Variants in TIGD4 observed in about 807,000 individuals in gnomAD.
TIGD4 encodes tigger transposable element-derived protein 4.
TIGD4 carries 20 observed loss-of-function variants against 24.9 expected under a neutral mutation model. That is an observed-to-expected ratio of 0.80 (90% confidence interval 0.56 to 1.17). TIGD4 has a LOEUF of 1.17. Ranked by LOEUF, TIGD4 falls within the 50% of genes most tolerant of loss-of-function variation. TIGD4 has a pLI of 0.00. For synonymous variants in TIGD4, 193 were observed against 211.0 expected, an observed-to-expected ratio of 0.91 and a Z score of 0.74; for missense variants, 566 against 591.0, an observed-to-expected ratio of 0.96 and a Z score of 0.44.
Position 152,769,432 on chromosome 4 carries a change from A to C in TIGD4, c.*34T>G. Reference sequence around the variant, plus strand: ...ACCTTATATAATAAAATGTATCAGGAAAAGCTATTACTCTTTAGATGTACA... The same window carrying C: ...ACCTTATATAATAAAATGTATCAGGCAAAGCTATTACTCTTTAGATGTACA... On this transcript the variant is annotated 3_prime_UTR_variant, in exon 2 of 2. Coordinates refer to ENST00000304337, the MANE Select transcript of TIGD4 (RefSeq NM_145720.4). The C allele has an allele frequency of 1.5e-6, 2 of 1,372,040 alleles. No individual in the cohort carries two copies. The highest frequency in any genetic ancestry group is 3.2e-5 in the South Asian group (2 of 61,556). 85.0% of individuals were successfully genotyped at this position (1,372,040 alleles called of 1,614,324 possible).
Position 152,770,974 on chromosome 4 carries a change from G to A in TIGD4, c.31C>T (p.Leu11=). 6.2e-7 allele frequency: 1 copy of A among 1,608,822 alleles called. No individual in the cohort carries two copies. Among genetic ancestry groups the A allele is most frequent in the Non-Finnish European group, 8.5e-7 (1 of 1,178,786 alleles). ...TTCTTTTTCTTCACTGTTACAGGCAGAGTTGAGGCATCCACAGAAGCTTCT... is the reference window on the plus strand; with the variant it reads ...TTCTTTTTCTTCACTGTTACAGGCAAAGTTGAGGCATCCACAGAAGCTTCT... MAEASVDAST[L]PVTVKKKKSL... The change falls in exon 2 of 2, where the codon CTG becomes TTG. Residue 11 remains leucine, a synonymous_variant. Transcript: ENST00000304337.
intron 1 of TIGD4, among the ~76,000 whole-genome samples, chr4:152,776,834 C>G (rs1057136053): frequency 3.9e-5 from 6 of 152,196 alleles, no homozygotes; most frequent in Admixed American, 3.9e-4. Flanking sequence ...ATAAAGCAGA[C>G]TGAAATGGGG....
At position 152,770,565 on chromosome 4, in the gene TIGD4, T is replaced by G; in HGVS notation, c.440A>C (p.Gln147Pro). 1 of 1,612,314 alleles carries G rather than the reference T, an allele frequency of 6.2e-7. No individual in the cohort carries two copies. Among genetic ancestry groups the G allele is most frequent in the Non-Finnish European group, 8.5e-7 (1 of 1,179,014 alleles). ...TGGTACACCTGTAGCTTCTACAGGTTGAGCTCTGAATACTAAACCATACCT... is the reference window on the plus strand; with the variant it reads ...TGGTACACCTGTAGCTTCTACAGGTGGAGCTCTGAATACTAAACCATACCT... Reference protein sequence around the residue: ...KSRYGLVFRAQPVEATGVPVD... With the variant: ...KSRYGLVFRAPPVEATGVPVD... The change falls in exon 2 of 2, where the codon CAA becomes CCA. Residue 147 changes from glutamine to proline, a missense_variant. Transcript: ENST00000304337.
intron 1 of TIGD4, among the ~76,000 whole-genome samples, chr4:152,778,052 G>A (rs544107479): frequency 6.6e-6 from 1 of 151,982 alleles, no homozygotes; most frequent in African/African-American, 2.4e-5. Context: ...TCTTCACCAA[G>A]CAGAAGTTAG....
rs995029177 is a variant in TIGD4, at chr4:152,770,543, T to C, written c.462A>G (p.Val154=). 5 of 1,613,102 alleles carry C rather than the reference T, an allele frequency of 3.1e-6. No individual in the cohort carries two copies. Among genetic ancestry groups the C allele is most frequent in the Non-Finnish European group, 4.2e-6 (5 of 1,179,460 alleles). Residue 154 remains valine, a synonymous_variant, in exon 2 of 2, where the codon GTA becomes GTG. Transcript: ENST00000304337. ...ACCAGACAGTCGAAGGGTCTACTGG[T>C]ACACCTGTAGCTTCTACAGGTTGAG... is the stretch of plus-strand genomic sequence containing the variant. ...FRAQPVEATG[V]PVDPSTVWYQ...
intron 1 of TIGD4, among the ~76,000 whole-genome samples, chr4:152,776,663 C>T (rs1730266142): frequency 6.6e-6 from 1 of 152,158 alleles, no homozygotes; most frequent in Admixed American, 6.6e-5. Context: ...GCAGGAGTTG[C>T]TGGTATTCTT....
intron 1 of TIGD4, among the ~76,000 whole-genome samples, chr4:152,773,298 G>A (rs1730208525): frequency 6.6e-6 from 1 of 152,102 alleles, no homozygotes; most frequent in Admixed American, 6.5e-5. Context: ...ACTCAAAGGA[G>A]GAATTTTTAT....
chr4:152,776,265 G>A (rs1554018881), intron 1 of TIGD4, among the ~76,000 whole-genome samples: 1 of 151,622 alleles, frequency 6.6e-6, no homozygotes, highest in African/African-American at 2.4e-5. Flanking sequence ...TAGATATAAA[G>A]AAAAAAAATA....
At chr4:152,775,489 C>T (rs914296796) in intron 1 of TIGD4, among the ~76,000 whole-genome samples, 7 of 152,180 alleles carry the variant, frequency 4.6e-5, no homozygotes, top group Admixed American at 1.3e-4. Context: ...CAGGCGCAAT[C>T]AGATTGTTTG....
chr4:152,776,288 T>C (rs1424896393), intron 1 of TIGD4, among the ~76,000 whole-genome samples: 2 of 152,158 alleles, frequency 1.3e-5, no homozygotes, highest in African/African-American at 4.8e-5. Context: ...TTGACCAAAA[T>C]GTTGAATGTT....
intron 1 of TIGD4, among the ~76,000 whole-genome samples, chr4:152,774,961 G>A (rs1371299932): frequency 2.6e-5 from 4 of 151,176 alleles, no homozygotes; most frequent in Admixed American, 2.6e-4. Flanking sequence ...TGTCACCCAG[G>A]CTAGAGTGCA....
At chr4:152,776,834 C>T (rs1057136053) in intron 1 of TIGD4, among the ~76,000 whole-genome samples, 4 of 152,078 alleles carry the variant, frequency 2.6e-5, no homozygotes, top group African/African-American at 9.7e-5. Context: ...ATAAAGCAGA[C>T]TGAAATGGGG....
chr4:152,773,266 ATTC>A (rs1245489541), intron 1 of TIGD4, among the ~76,000 whole-genome samples: 2 of 152,232 alleles, frequency 1.3e-5, no homozygotes, highest in African/African-American at 4.8e-5. Flanking sequence ...TTTTGCCAAA[ATTC>A]TTCTGCCCTT....
chr4:152,773,744 G>A (rs779337099), intron 1 of TIGD4, among the ~76,000 whole-genome samples: 1 of 151,178 alleles, frequency 6.6e-6, no homozygotes, highest in African/African-American at 2.4e-5. Context: ...TGTCAGCGAG[G>A]GCAAACCTAA....
Position 152,769,517 on chromosome 4 carries a change from T to C in TIGD4, c.1488A>G (p.Gln496=), listed in dbSNP as rs1421535596. 9 of 1,587,874 alleles carry C rather than the reference T, an allele frequency of 5.7e-6. No individual in the cohort carries two copies. In the East Asian group the frequency reaches 6.7e-5, roughly 12 times the overall value. The change falls in exon 2 of 2, where the codon CAA becomes CAG. Residue 496 remains glutamine, a synonymous_variant. Transcript: ENST00000304337. ...LRSQDMNDGL[Q]NSLADLENFI... ...AATTTTCAAGGTCTGCTAAAGAATTTTGAAGTCCGTCATTCATATCTTGAC... is the reference window on the plus strand; with the variant it reads ...AATTTTCAAGGTCTGCTAAAGAATTCTGAAGTCCGTCATTCATATCTTGAC...
rs1730132085 is a variant in TIGD4, at chr4:152,769,901, T to TG, written c.1103dup (p.Glu369ArgfsTer5). The TG allele has an allele frequency of 2.5e-6, 4 of 1,613,748 alleles. No homozygotes were observed. The East Asian group carries it at 8.9e-5, about 36-fold the overall frequency. The stretch of plus-strand genomic sequence containing the variant: ...CTTCATAGCTTTTAACAATAGTCTC[T>TG]GGGGTTACAGCCCTCCAGCAAAGAT... On this transcript the variant is annotated frameshift_variant, in exon 2 of 2. Transcript: ENST00000304337. LOFTEE classifies it low-confidence loss of function (END_TRUNC).
Position 152,770,355 on chromosome 4 carries a change from A to G in TIGD4, c.650T>C (p.Val217Ala). The change falls in exon 2 of 2, where the codon GTG (valine) becomes GCG (alanine). Residue 217 changes from valine to alanine, a missense_variant. Physicochemically the swap from Val to Ala is moderately conservative, Grantham distance 64 (BLOSUM62 0). Coordinates refer to ENST00000304337, the MANE Select transcript of TIGD4 (RefSeq NM_145720.4). ...TGAGCCATCCATGTTTGTGCCAACCACCAGAGTTATTCTGTCTTTGCATAA... is the reference window on the plus strand; with the variant it reads ...TGAGCCATCCATGTTTGTGCCAACCGCCAGAGTTATTCTGTCTTTGCATAA... ...GKLCKDRITL[V>A]VGTNMDGSEK... 6.2e-7 allele frequency: 1 copy of G among 1,614,144 alleles called. No individual in the cohort carries two copies. The highest frequency in any genetic ancestry group is 1.1e-5 in the South Asian group (1 of 91,074).
intron 1 of TIGD4, among the ~76,000 whole-genome samples, chr4:152,772,427 T>A (rs1730193196): frequency 6.6e-6 from 1 of 152,184 alleles, no homozygotes. Flanking sequence ...GGTAATTTAC[T>A]TAACCATATG....
At position 152,769,524 on chromosome 4, in the gene TIGD4, C is replaced by T. The variant is rs774237939; in HGVS notation, c.1481G>A (p.Gly494Glu). 8 of 1,591,432 alleles carry T rather than the reference C, an allele frequency of 5.0e-6. No individual in the cohort carries two copies. Among genetic ancestry groups the T allele is most frequent in the South Asian group, 1.2e-5 (1 of 86,680 alleles). The change falls in exon 2 of 2, where the codon GGA becomes GAA. Residue 494 changes from glycine (G) to glutamate (E), a missense_variant. Coordinates refer to ENST00000304337, the MANE Select transcript of TIGD4 (RefSeq NM_145720.4). ...KFLRSQDMND[G>E]LQNSLADLEN... is the part of the protein sequence containing the mutation. Reference sequence around the variant, plus strand: ...AAGGTCTGCTAAAGAATTTTGAAGTCCGTCATTCATATCTTGACTTCTGAG... The same window carrying T: ...AAGGTCTGCTAAAGAATTTTGAAGTTCGTCATTCATATCTTGACTTCTGAG...
Sources: allele counts gnomAD v4.1 joint callset (sites outside exome capture counted in the v4.1 genomes callset), GRCh38; gene constraint gnomAD v4.1.1; transcripts MANE v1.5; gene names NCBI Gene and HGNC (gene_info 2026-07-23, HGNC 2026-07-21).